ANKRD1: variants seen among roughly 807,000 people sequenced by gnomAD.
ANKRD1 encodes the protein ankyrin repeat domain-containing protein 1.
A neutral mutation model predicts 40.1 loss-of-function variants in ANKRD1; 32 were observed. The ratio of observed to expected loss-of-function variants is 0.80; its 90% CI spans 0.60 to 1.07. The LOEUF is 1.07. Ranked by LOEUF, ANKRD1 falls within the 50% of genes least tolerant of loss-of-function variation. ANKRD1 has a pLI of 0.00. For synonymous variants in ANKRD1, 149 were observed against 141.2 expected (o/e 1.06, Z -0.39); for missense variants, 359 against 386.0 (o/e 0.93, Z 0.59).
chr10:90,917,977 T>A, intron 4 of ANKRD1, 147 bp from the exon 5 acceptor site: 1 of 671,620 alleles, frequency 1.5e-6, no homozygotes, highest in Non-Finnish European at 2.6e-6. Context: ...CAAAGTTAAC[T>A]AAAATTGCAG....
At chr10:90,916,358 G>T in intron 5 of ANKRD1, 89 bp from the exon 6 acceptor site, 1 of 937,274 alleles carries the variant, frequency 1.1e-6, no homozygotes. Context: ...TGAAAATAAT[G>T]AGTTGTCCCC....
Position 90,912,590 on chromosome 10 carries a change from C to T in ANKRD1, c.*276G>A. The stretch of plus-strand genomic sequence containing the variant: ...GGGAAGGCTCTGAAAGTGTTATATA[C>T]AAATGAAGCTCTGCTCACCAGATGG... On this transcript the variant is annotated 3_prime_UTR_variant, in exon 9 of 9. Coordinates refer to ENST00000371697, the MANE Select transcript of ANKRD1 (RefSeq NM_014391.3). 2.5e-6 allele frequency: 1 copy of T among 393,544 alleles called. No homozygotes were observed. The highest frequency in any genetic ancestry group is 2.2e-5 in the South Asian group (1 of 46,180). 24.4% of individuals were successfully genotyped at this position (393,544 alleles called of 1,614,324 possible).
chr10:90,916,356 A>G (rs557044291), intron 5 of ANKRD1, 87 bp from the exon 6 acceptor site: 25 of 961,762 alleles, frequency 2.6e-5, no homozygotes, highest in Non-Finnish European at 4.0e-5. Context: ...CGTGAAAATA[A>G]TGAGTTGTCC....
rs1204291463 is a variant in ANKRD1, at chr10:90,915,621, A to G, written c.771T>C (p.His257=). 6.2e-7 allele frequency: 1 copy of G among 1,613,936 alleles called. No homozygotes were observed. The highest frequency in any genetic ancestry group is 1.7e-5 in the Admixed American group (1 of 59,998). Residue 257 remains histidine (H), a synonymous_variant, in exon 8 of 9, where the codon CAT becomes CAC. Coordinates refer to ENST00000371697, the MANE Select transcript of ANKRD1 (RefSeq NM_014391.3). ...TATAGCGGTTCAGTCTCACCGCATC[A>G]TGCAACGGGGTATCTCCTTCCTAGA... The part of the protein sequence containing the change: ...AKDREGDTPL[H]DAVRLNRYKM...
rs751818504 is a variant in ANKRD1 at position 90,918,983 on chromosome 10, AATAAATAAATATATAT to A, written c.346-27_346-12del. 4.0e-4 allele frequency: 557 copies of A among 1,408,810 alleles called. 43 individuals carry two copies. The African/African-American group carries it at 8.7e-3, about 22-fold the overall frequency. The allele number at this position is 1,408,810 out of a possible 1,614,324, so 87.3% of individuals were successfully genotyped here. ...ATCCACAGGTTCCGTCTAAAGCCAAAATAAATAAATATATATATATATATATATATATAGCATGAGA... is the reference window on the plus strand; with the variant it reads ...ATCCACAGGTTCCGTCTAAAGCCAAAATATATATATATATATAGCATGAGA... On this transcript the variant is annotated splice_polypyrimidine_tract_variant and intron_variant, in intron 3 of 8. Transcript: ENST00000371697.
intron 8 of ANKRD1, among the ~76,000 whole-genome samples, chr10:90,915,070 A>T (rs1003027239): frequency 1.3e-5 from 2 of 152,232 alleles, no homozygotes; most frequent in African/African-American, 4.8e-5. Flanking sequence ...CATTGCTGTA[A>T]GGAGGAAAGG....
At chr10:90,917,886 A>G in intron 4 of ANKRD1, 56 bp from the exon 5 acceptor site, 1 of 1,447,598 alleles carries the variant, frequency 6.9e-7, no homozygotes, top group Non-Finnish European at 9.7e-7. Context: ...ATGTGTGTAA[A>G]CCCTTTTAAG....
chr10:90,917,864 A>G (rs753831798), intron 4 of ANKRD1, 34 bp from the exon 5 acceptor site: 16 of 1,556,476 alleles, frequency 1.0e-5, no homozygotes, highest in Middle Eastern at 1.7e-4. Flanking sequence ...AGAGATAGCA[A>G]TAAATATAAA....
chr10:90,916,269 G>C lies in ANKRD1; in HGVS notation c.553C>G (p.Leu185Val), dbSNP rs794728974. Residue 185 changes from leucine to valine, a missense_variant and splice_region_variant, in exon 6 of 9, where the codon CTT becomes GTT. By Grantham distance (32) the Leu-to-Val change is conservative. Coordinates refer to ENST00000371697, the MANE Select transcript of ANKRD1 (RefSeq NM_014391.3). ...GCCCAGTGGATGGCTGTGGATTCAAGCTATACCGGGAGGGAAGACCCGACA... is the reference window on the plus strand; with the variant it reads ...GCCCAGTGGATGGCTGTGGATTCAACCTATACCGGGAGGGAAGACCCGACA... The part of the protein sequence containing the change: ...AGAQIEFRDM[L>V]ESTAIHWASR... 4 of 1,611,784 alleles carry C rather than the reference G, an allele frequency of 2.5e-6. No individual in the cohort carries two copies. The highest frequency in any genetic ancestry group is 3.4e-6 in the Non-Finnish European group (4 of 1,178,042).
At chr10:90,916,029 A>G in intron 6 of ANKRD1, 142 bp downstream of exon 6, 1 of 468,752 alleles carries the variant, frequency 2.1e-6, no homozygotes. Flanking sequence ...AGGCGAGGTT[A>G]GGAGATGGAG....
At chr10:90,913,640 C>G (rs977025215) in intron 8 of ANKRD1, among the ~76,000 whole-genome samples, 2 of 152,214 alleles carry the variant, frequency 1.3e-5, no homozygotes, top group Non-Finnish European at 2.9e-5. Flanking sequence ...TGTCATCTCT[C>G]AATTCTCATC....
chr10:90,916,635 C>A (rs916170759), intron 5 of ANKRD1, among the ~76,000 whole-genome samples: 12 of 152,104 alleles, frequency 7.9e-5, no homozygotes, highest in Admixed American at 5.2e-4. Flanking sequence ...AAACCAGGTT[C>A]CAAAAAGTTC....
chr10:90,914,559 A>G (rs548727470), intron 8 of ANKRD1, among the ~76,000 whole-genome samples: 1 of 152,284 alleles, frequency 6.6e-6, no homozygotes, highest in East Asian at 1.9e-4. Flanking sequence ...AGGAAGCCCT[A>G]CTGTTAACAC....
rs1847373394 is a variant in ANKRD1, at chr10:90,916,268, A to G, written c.554T>C (p.Leu185Pro). 1.9e-6 allele frequency: 3 copies of G among 1,612,500 alleles called. No homozygotes were observed. In the African/African-American group the frequency reaches 4.0e-5, roughly 22 times the overall value. Residue 185 changes from leucine (L) to proline (P), a missense_variant and splice_region_variant, in exon 6 of 9, where the codon CTT (leucine) becomes CCT (proline). Transcript: ENST00000371697. Reference protein sequence around the residue: ...AGAQIEFRDMLESTAIHWASR... With the variant: ...AGAQIEFRDMPESTAIHWASR... ...TGCCCAGTGGATGGCTGTGGATTCAAGCTATACCGGGAGGGAAGACCCGAC... is the reference window on the plus strand; with the variant it reads ...TGCCCAGTGGATGGCTGTGGATTCAGGCTATACCGGGAGGGAAGACCCGAC...
intron 8 of ANKRD1, 115 bp downstream of exon 8, chr10:90,915,428 T>C: frequency 1.1e-6 from 1 of 887,752 alleles, no homozygotes; most frequent in Non-Finnish European, 1.8e-6. Flanking sequence ...CAGGGGCATT[T>C]AGACCATCGA....
At chr10:90,917,971 G>A (rs1255108198) in intron 4 of ANKRD1, 141 bp from the exon 5 acceptor site, 1 of 691,642 alleles carries the variant, frequency 1.4e-6, no homozygotes, top group Non-Finnish European at 2.5e-6. Context: ...AAATGTCAAA[G>A]TTAACTAAAA....
At chr10:90,915,975 G>T in intron 6 of ANKRD1, 95 bp from the exon 7 acceptor site, 3 of 1,294,952 alleles carry the variant, frequency 2.3e-6, no homozygotes, top group Non-Finnish European at 2.2e-6. Context: ...GTGGTCACTA[G>T]GGTGCCTGCA....
rs764933205 is a variant in ANKRD1 at position 90,915,830 on chromosome 10, G to A, written c.702C>T (p.Cys234=). Reference sequence around the variant, plus strand: ...CCTCACAGGCGATAAGATGCTCCGCGCACTCATAGTGGCCAGTCCTCACCG... The same window carrying A: ...CCTCACAGGCGATAAGATGCTCCGCACACTCATAGTGGCCAGTCCTCACCG... ...HVAVRTGHYE[C]AEHLIACEAD... Residue 234 remains cysteine, a synonymous_variant, in exon 7 of 9, where the codon TGC becomes TGT. Transcript: ENST00000371697. 12 of 1,613,474 alleles carry A rather than the reference G, an allele frequency of 7.4e-6. No individual in the cohort carries two copies. Among genetic ancestry groups the A allele is most frequent in the African/African-American group, 1.3e-5 (1 of 74,720 alleles).
intron 8 of ANKRD1, among the ~76,000 whole-genome samples, chr10:90,914,792 A>T (rs1312094509): frequency 2.3e-5 from 3 of 128,404 alleles, no homozygotes; most frequent in Non-Finnish European, 4.6e-5. Context: ...TCAGAAATTT[A>T]TACCTGTTCC....
Sources: gnomAD v4.1 joint callset for allele counts (sites outside exome capture counted in the v4.1 genomes callset) on GRCh38, gnomAD v4.1.1 for gene constraint, MANE v1.5 for transcripts, NCBI Gene and HGNC (gene_info 2026-07-23, HGNC 2026-07-21) for gene names.